CCDC178: variants seen among roughly 807,000 people sequenced by gnomAD.
CCDC178 encodes the protein coiled-coil domain-containing protein 178.
Under a neutral mutation model 117.4 loss-of-function variants are expected in CCDC178, and 126 were observed. The observed-to-expected ratio is 1.07, with a 90% CI of 0.93 to 1.24. The LOEUF is 1.24. CCDC178 is among the 50% of genes most tolerant of loss of function. CCDC178 has a pLI of 0.00. For missense variants in CCDC178, 1,030 were observed against 986.9 expected, an observed-to-expected ratio of 1.04 and a Z score of -0.59; for synonymous variants, 283 against 313.4, an observed-to-expected ratio of 0.90 and a Z score of 1.02.
intron 21 of CCDC178, among the ~76,000 whole-genome samples, chr18:33,010,619 T>C (rs2055844130): frequency 6.6e-6 from 1 of 152,206 alleles, no homozygotes; most frequent in Non-Finnish European, 1.5e-5. Context: ...AGACTCTCTG[T>C]CAAAGTGCCA....
intron 2 of CCDC178, among the ~76,000 whole-genome samples, chr18:33,416,672 C>T (rs536781576): frequency 7.9e-5 from 12 of 152,238 alleles, no homozygotes; most frequent in African/African-American, 2.9e-4. Flanking sequence ...TGGACTTCCA[C>T]CCACTCCCAC....
At chr18:33,055,990 A>G (rs1383804114) in intron 21 of CCDC178, among the ~76,000 whole-genome samples, 1 of 152,020 alleles carries the variant, frequency 6.6e-6, no homozygotes, top group African/African-American at 2.4e-5. Flanking sequence ...TTTAGCAGAG[A>G]CAGGGTTTCA....
intron 21 of CCDC178, among the ~76,000 whole-genome samples, chr18:33,082,621 T>C (rs2057315130): frequency 6.6e-6 from 1 of 152,142 alleles, no homozygotes; most frequent in Non-Finnish European, 1.5e-5. Context: ...AAGAATCCTT[T>C]GAAAATGATG....
In CCDC178 at chr18:33,083,071, G is replaced by A. The variant is rs568911361; in HGVS notation, c.2388+9690C>T. 3.3e-5 allele frequency among the ~76,000 whole-genome samples: 5 copies of A among 152,260 alleles called. No individual in the cohort carries two copies. In the East Asian group the frequency reaches 9.6e-4, roughly 29 times the overall value. ...AATAAATGTAACTGAAATACATGTA[G>A]AACTTACTACGTATCAAAGGCTGTT... On this transcript the variant is annotated intron_variant, in intron 21 of 22. Transcript: ENST00000383096.
chr18:33,123,905 G>A (rs908797170), intron 20 of CCDC178, among the ~76,000 whole-genome samples: 3 of 152,078 alleles, frequency 2.0e-5, no homozygotes, highest in Admixed American at 6.6e-5. Flanking sequence ...TCTTAATGTC[G>A]TATTCAAACT....
At chr18:33,215,795 G>T in intron 18 of CCDC178, 100 bp from the exon 19 acceptor site, 2 of 897,660 alleles carry the variant, frequency 2.2e-6, no homozygotes, top group Non-Finnish European at 3.3e-6. Flanking sequence ...ACAACTAAAA[G>T]TTAATAGTGG....
At chr18:33,198,657 G>GAT (rs2058960743) in intron 20 of CCDC178, among the ~76,000 whole-genome samples, 1 of 152,078 alleles carries the variant, frequency 6.6e-6, no homozygotes, top group South Asian at 2.1e-4. Flanking sequence ...GATAGACACT[G>GAT]ATATATAAAT....
At chr18:32,939,000 T>TA (rs1322341204) in intron 22 of CCDC178, among the ~76,000 whole-genome samples, 2 of 152,132 alleles carry the variant, frequency 1.3e-5, no homozygotes, top group African/African-American at 4.8e-5. Flanking sequence ...GTAATTATCA[T>TA]ACGTCTCATC....
intron 10 of CCDC178, among the ~76,000 whole-genome samples, chr18:33,331,547 T>G (rs1164682170): frequency 6.6e-6 from 1 of 152,082 alleles, no homozygotes; most frequent in African/African-American, 2.4e-5. Context: ...AGACTACCTA[T>G]GTGAGGCAGT....
intron 10 of CCDC178, among the ~76,000 whole-genome samples, chr18:33,327,335 T>C (rs2062598192): frequency 6.6e-6 from 1 of 152,338 alleles, no homozygotes; most frequent in Middle Eastern, 3.4e-3. Context: ...TGCATTTTGT[T>C]TATCTCAGTA....
intron 21 of CCDC178, among the ~76,000 whole-genome samples, chr18:33,001,265 A>C (rs943986406): frequency 6.6e-6 from 1 of 152,196 alleles, no homozygotes; most frequent in African/African-American, 2.4e-5. Flanking sequence ...CATGCCTGTA[A>C]TCCCAGCACT....
intron 11 of CCDC178, chr18:33,323,020 ACT>A (rs1324474224): frequency 6.6e-6 from 1 of 151,406 alleles, no homozygotes; most frequent in East Asian, 1.9e-4. Context: ...AAAGAAAAAA[ACT>A]CTCAATAAAT....
chr18:32,996,092 G>A (rs1316346576), intron 21 of CCDC178, among the ~76,000 whole-genome samples: 1 of 151,634 alleles, frequency 6.6e-6, no homozygotes, highest in African/African-American at 2.4e-5. Context: ...CAAAAAGTGA[G>A]CTTTCCTTTA....
intron 3 of CCDC178, among the ~76,000 whole-genome samples, chr18:33,403,291 C>A (rs2063734841): frequency 1.3e-5 from 2 of 152,074 alleles, no homozygotes; most frequent in South Asian, 4.1e-4. Flanking sequence ...ATTAATTGAC[C>A]ATTAAGCCAA....
At chr18:33,309,063 AC>A (rs1286710326) in intron 11 of CCDC178, among the ~76,000 whole-genome samples, 1 of 152,194 alleles carries the variant, frequency 6.6e-6, no homozygotes, top group Non-Finnish European at 1.5e-5. Flanking sequence ...TTGTTGGCAT[AC>A]ATTTTTATCT....
At position 33,363,521 on chromosome 18, in the gene CCDC178, C is replaced by A. The variant is rs183677421; in HGVS notation, c.348+6529G>T. On this transcript the variant is annotated intron_variant, in intron 6 of 22. Transcript: ENST00000383096. ...TTCTAATAAAAAAACATTTCTTGGTCCTAGATTTGGGGAACCTGACACCAT... is the reference window on the plus strand; with the variant it reads ...TTCTAATAAAAAAACATTTCTTGGTACTAGATTTGGGGAACCTGACACCAT... Among the ~76,000 whole-genome samples, 13 of 152,060 alleles carry A rather than the reference C, an allele frequency of 8.5e-5. No homozygotes were observed. The East Asian group carries it at 2.5e-3, about 30-fold the overall frequency.
intron 20 of CCDC178, among the ~76,000 whole-genome samples, chr18:33,172,630 A>C (rs1176536596): frequency 6.6e-6 from 1 of 152,160 alleles, no homozygotes; most frequent in Non-Finnish European, 1.5e-5. Flanking sequence ...AACATCTCAT[A>C]TAACCCTGGT....
chr18:32,959,651 T>A (rs938240051), intron 22 of CCDC178, among the ~76,000 whole-genome samples: 1 of 152,126 alleles, frequency 6.6e-6, no homozygotes, highest in Non-Finnish European at 1.5e-5. Flanking sequence ...ATGATCTTGA[T>A]ACTTTTGGAT....
chr18:33,211,021 G>A (rs756391915), intron 20 of CCDC178, among the ~76,000 whole-genome samples: 18 of 151,730 alleles, frequency 1.2e-4, no homozygotes, highest in East Asian at 3.9e-4. Context: ...GTTCTCACAC[G>A]TCTTTAGATA....
Sources: gnomAD v4.1 joint callset for allele counts (sites outside exome capture counted in the v4.1 genomes callset) on GRCh38, gnomAD v4.1.1 for gene constraint, MANE v1.5 for transcripts, NCBI Gene and HGNC (gene_info 2026-07-23, HGNC 2026-07-21) for gene names.